Variants in UNC13C observed in about 807,000 individuals in gnomAD.
UNC13C encodes the protein unc-13 homolog C.
Under a neutral mutation model 245.4 loss-of-function variants are expected in UNC13C, and 174 were observed. The observed-to-expected ratio is 0.71, with a 90% CI of 0.63 to 0.80. The LOEUF is 0.80. Among genes scored for constraint, UNC13C ranks in the 30% least tolerant of loss-of-function variants. The pLI is 0.00. For missense variants in UNC13C, 2,829 were observed against 2,602.9 expected, an observed-to-expected ratio of 1.09 and a Z score of -1.89; for synonymous variants, 992 against 895.1, an observed-to-expected ratio of 1.11 and a Z score of -1.93.
At chr15:53,846,833 C>T in the UNC13C span, among the ~76,000 whole-genome samples, 1 of 152,210 alleles carries the variant, frequency 6.6e-6, no homozygotes, top group East Asian at 1.9e-4. Flanking sequence ...TTTAGTTATC[C>T]TGTGGTGATG....
At chr15:54,450,278 AC>A (rs2141006427) in intron 19 of UNC13C, among the ~76,000 whole-genome samples, 1 of 152,272 alleles carries the variant, frequency 6.6e-6, no homozygotes, top group African/African-American at 2.4e-5. Context: ...TGCTGGGAGA[AC>A]CACTACTCTC....
intron 4 of UNC13C, among the ~76,000 whole-genome samples, chr15:54,147,103 C>G (rs1042631785): frequency 4.6e-5 from 7 of 152,134 alleles, no homozygotes; most frequent in African/African-American, 1.7e-4. Context: ...GAATGACACA[C>G]TGGAGGTGTG....
intron 19 of UNC13C, among the ~76,000 whole-genome samples, chr15:54,454,446 C>T (rs531229101): frequency 1.5e-4 from 23 of 151,908 alleles, no homozygotes; most frequent in East Asian, 3.9e-4. Flanking sequence ...GGCGTGTTGG[C>T]GGGCACCTGT....
chr15:53,868,818 A>G, the UNC13C span, among the ~76,000 whole-genome samples: 1 of 152,246 alleles, frequency 6.6e-6, no homozygotes, highest in Non-Finnish European at 1.5e-5. Flanking sequence ...CACTAGGGCC[A>G]TATTAAAAAC....
intron 8 of UNC13C, among the ~76,000 whole-genome samples, chr15:54,260,649 TTA>T (rs899901031): frequency 6.8e-6 from 1 of 148,122 alleles, no homozygotes; most frequent in Non-Finnish European, 1.5e-5. Context: ...TTTTCAGTTT[TTA>T]TATATATAAC....
the UNC13C span, among the ~76,000 whole-genome samples, chr15:53,916,673 G>A: frequency 1.3e-5 from 2 of 152,038 alleles, no homozygotes; most frequent in Non-Finnish European, 2.9e-5. Context: ...TGGATTGCTG[G>A]GCTTAACTCA....
At chr15:54,377,822 C>G (rs2039638948) in intron 17 of UNC13C, among the ~76,000 whole-genome samples, 1 of 152,188 alleles carries the variant, frequency 6.6e-6, no homozygotes, top group South Asian at 2.1e-4. Context: ...CCAAAGGCCT[C>G]ACCTCTTAAT....
At position 54,013,472 on chromosome 15, in the gene UNC13C, G is replaced by C. The variant is rs746499009; in HGVS notation, c.569G>C (p.Ser190Thr). ...ALRKLRKWKK[S>T]QECVSSDSEL... is the part of the protein sequence containing the mutation. Reference sequence around the variant, plus strand: ...CGAAAACTGAGAAAATGGAAAAAGAGTCAAGAATGTGTCTCCTCAGACTCA... The same window carrying C: ...CGAAAACTGAGAAAATGGAAAAAGACTCAAGAATGTGTCTCCTCAGACTCA... Residue 190 changes from serine to threonine, a missense_variant, in exon 2 of 33, where the codon AGT (serine) becomes ACT (threonine). By Grantham distance (58) the Ser-to-Thr change is moderately conservative. Transcript: ENST00000260323. The C allele has an allele frequency of 6.2e-7, 1 of 1,613,848 alleles. No homozygotes were observed. Among genetic ancestry groups the C allele is most frequent in the Non-Finnish European group, 8.5e-7 (1 of 1,179,852 alleles).
the UNC13C span, among the ~76,000 whole-genome samples, chr15:53,964,721 G>C: frequency 6.6e-6 from 1 of 152,190 alleles, no homozygotes; most frequent in African/African-American, 2.4e-5. Context: ...TATATGAAAT[G>C]CCACATTTAA....
chr15:54,486,226 G>A (rs947749598), intron 19 of UNC13C, among the ~76,000 whole-genome samples: 6 of 145,412 alleles, frequency 4.1e-5, no homozygotes, highest in Non-Finnish European at 7.6e-5. Flanking sequence ...CCTGGTCAAC[G>A]TGGTGAAAAC....
intron 1 of UNC13C, among the ~76,000 whole-genome samples, chr15:53,992,100 C>T (rs148156236): frequency 1.9e-3 from 294 of 152,146 alleles, no homozygotes; most frequent in African/African-American, 6.6e-3. Context: ...GAATTACTCT[C>T]GTTTTGTGTT....
At chr15:54,556,975 C>T (rs756670583) in intron 29 of UNC13C, among the ~76,000 whole-genome samples, 3 of 151,986 alleles carry the variant, frequency 2.0e-5, no homozygotes, top group African/African-American at 7.2e-5. Context: ...AGATGATCAC[C>T]ACCTGCTGGC....
At chr15:53,941,916 A>T in the UNC13C span, among the ~76,000 whole-genome samples, 5 of 152,226 alleles carry the variant, frequency 3.3e-5, no homozygotes, top group South Asian at 1.0e-3. Context: ...ACAGATGCTG[A>T]TGAGGTTGCC....
chr15:53,873,411 G>A, the UNC13C span, among the ~76,000 whole-genome samples: 1,103 of 152,146 alleles, frequency 7.2e-3, 16 homozygotes, highest in African/African-American at 0.025. Context: ...CGCTCAACTT[G>A]CCTCCTCTTC....
chr15:54,098,669 A>G (rs1282641818), intron 2 of UNC13C, among the ~76,000 whole-genome samples: 7 of 152,220 alleles, frequency 4.6e-5, no homozygotes. Flanking sequence ...ATAATAAATT[A>G]CATTTTTCTA....
chr15:54,170,624 G>C (rs2033362016), intron 4 of UNC13C, among the ~76,000 whole-genome samples: 1 of 151,926 alleles, frequency 6.6e-6, no homozygotes, highest in Admixed American at 6.6e-5. Context: ...CATTTGAACA[G>C]GTTAAAGGAT....
the UNC13C span, among the ~76,000 whole-genome samples, chr15:53,870,931 T>G: frequency 6.6e-6 from 1 of 152,300 alleles, no homozygotes; most frequent in East Asian, 1.9e-4. Flanking sequence ...GCCTGCCCAG[T>G]GCCCTTGACA....
In UNC13C at chr15:54,231,171, T is replaced by C. The variant is rs145797716; in HGVS notation, c.3072-3859T>C. ...GAAGATAATACTTTCCTGAAATACA[T>C]TGAAAAAATATCCAAATGATGGCAA... is the stretch of plus-strand genomic sequence containing the variant. On this transcript the variant is annotated intron_variant, in intron 4 of 32. Coordinates refer to ENST00000260323, the MANE Select transcript of UNC13C (RefSeq NM_001080534.3). 2.2e-3 allele frequency among the ~76,000 whole-genome samples: 340 copies of C among 152,162 alleles called. 3 individuals are homozygous for C. Among genetic ancestry groups the C allele is most frequent in the African/African-American group, 7.9e-3 (329 of 41,536 alleles).
intron 2 of UNC13C, among the ~76,000 whole-genome samples, chr15:54,087,426 T>C (rs1595834575): frequency 6.6e-6 from 1 of 152,220 alleles, no homozygotes; most frequent in Admixed American, 6.5e-5. Flanking sequence ...AAAGTTCTTT[T>C]CTGCATGAGG....
Sources: gnomAD v4.1 joint callset for allele counts (sites outside exome capture counted in the v4.1 genomes callset) on GRCh38, gnomAD v4.1.1 for gene constraint, MANE v1.5 for transcripts, NCBI Gene and HGNC (gene_info 2026-07-23, HGNC 2026-07-21) for gene names.